Variants in CAMSAP2 observed in about 807,000 individuals in gnomAD.
The protein encoded by CAMSAP2 is calmodulin-regulated spectrin-associated protein 2.
In CAMSAP2, 26 loss-of-function variants were observed where a neutral mutation model predicts 146.1. The observed-to-expected ratio is 0.18, with a 90% CI of 0.13 to 0.25. CAMSAP2 has a LOEUF of 0.25. Ranked by LOEUF, CAMSAP2 falls within the 10% of genes least tolerant of loss-of-function variation. The pLI, the probability that CAMSAP2 is intolerant of heterozygous loss-of-function variation, is 1.00. For missense variants in CAMSAP2, 1,381 were observed against 1,759.3 expected (o/e 0.78, Z 3.85); for synonymous variants, 499 against 596.6 (o/e 0.84, Z 2.38).
In CAMSAP2 at chr1:200,853,188, T is replaced by C. The variant is rs1667667373; in HGVS notation, c.3603-87T>C. The C allele has an allele frequency of 8.6e-7, 1 of 1,166,384 alleles. No individual in the cohort carries two copies. Among genetic ancestry groups the C allele is most frequent in the Non-Finnish European group, 1.2e-6 (1 of 809,494 alleles). The allele number at this position is 1,166,384 out of a possible 1,614,324, so 72.3% of individuals were successfully genotyped here. ...TCACCAAGGTGATGAAATAGAATTC[T>C]CCTTTCTCATATCAAATACATAACT... On this transcript the variant is annotated intron_variant, in intron 12 of 16. Coordinates refer to ENST00000358823, the MANE Select transcript of CAMSAP2 (RefSeq NM_203459.4). This position sits in a 1 kb window ranked among gnomAD's most constrained non-coding sequence, Gnocchi z 5.1.
intron 1 of CAMSAP2, among the ~76,000 whole-genome samples, chr1:200,745,737 G>A (rs903626457): frequency 6.6e-6 from 1 of 152,222 alleles, no homozygotes; most frequent in Non-Finnish European, 1.5e-5. Flanking sequence ...CTCCCAAAGT[G>A]CTGGGATTAC....
At chr1:200,855,914 C>A (rs975895629) in intron 14 of CAMSAP2, 96 bp from the exon 15 acceptor site, 1 of 796,324 alleles carries the variant, frequency 1.3e-6, no homozygotes, top group Admixed American at 2.2e-5. Flanking sequence ...TATTTTTAGG[C>A]CTTTAGGTTG....
At chr1:200,747,946 C>T (rs1664384672) in intron 1 of CAMSAP2, among the ~76,000 whole-genome samples, 1 of 143,788 alleles carries the variant, frequency 7.0e-6, no homozygotes, top group African/African-American at 2.6e-5. Context: ...GAGATCCTGC[C>T]ACTGCACTCC....
rs773880184 is a variant in CAMSAP2, at chr1:200,850,132, A to G, written c.3363A>G (p.Lys1121=). The change falls in exon 11 of 17, where the codon AAA becomes AAG. Residue 1121 remains lysine, a synonymous_variant. Coordinates refer to ENST00000358823, the MANE Select transcript of CAMSAP2 (RefSeq NM_203459.4). ...NLIEVSLSDL[K]PPEKADVPVE... is the part of the protein sequence containing the mutation. ...TTGAAGTTTCCCTCTCAGATTTGAA[A>G]CCCCCTGAAAAGGCTGATGTACCTG... The G allele has an allele frequency of 2.5e-6, 4 of 1,613,782 alleles. No individual in the cohort carries two copies. The highest frequency in any genetic ancestry group is 3.4e-6 in the Non-Finnish European group (4 of 1,179,926).
chr1:200,751,144 C>T (rs1174137044), intron 1 of CAMSAP2, among the ~76,000 whole-genome samples: 1 of 151,834 alleles, frequency 6.6e-6, no homozygotes, highest in Non-Finnish European at 1.5e-5. Flanking sequence ...CTCAAGTGAT[C>T]TGCCTGCCTC....
Position 200,849,667 on chromosome 1 carries a change from A to G in CAMSAP2, c.2898A>G (p.Lys966=). ...CATCTCCACAGTCTTCTAACAGGAA[A>G]AGTGCATCTTTTTCTGTTAAAAGTC... is the stretch of plus-strand genomic sequence containing the variant. ...THPSPQSSNR[K]SASFSVKSQR... is the part of the protein sequence containing the mutation. The change falls in exon 11 of 17, where the codon AAA becomes AAG. Residue 966 remains lysine (K), a synonymous_variant. Coordinates refer to ENST00000358823, the MANE Select transcript of CAMSAP2 (RefSeq NM_203459.4). This position sits in a 1 kb window ranked among gnomAD's most constrained non-coding sequence, Gnocchi z 6.3. 1.2e-6 allele frequency: 2 copies of G among 1,614,194 alleles called. No homozygotes were observed. The highest frequency in any genetic ancestry group is 1.7e-6 in the Non-Finnish European group (2 of 1,180,030).
intron 2 of CAMSAP2, among the ~76,000 whole-genome samples, chr1:200,783,026 A>C (rs1258239734): frequency 2.0e-5 from 3 of 151,484 alleles, no homozygotes; most frequent in East Asian, 3.9e-4. Flanking sequence ...TCGGCCTCCC[A>C]AAGTACTGGA....
rs2102978742 is a variant in CAMSAP2 at position 200,739,285 on chromosome 1, C to G, written c.-543C>G. Reference sequence around the variant, plus strand: ...GCCAGCTCGCCCCGCGCTTCCCCCTCGTCCTGCTCGTCCCTCCGCCCACCC... The same window carrying G: ...GCCAGCTCGCCCCGCGCTTCCCCCTGGTCCTGCTCGTCCCTCCGCCCACCC... On this transcript the variant is annotated 5_prime_UTR_variant, in exon 1 of 17. Transcript: ENST00000358823. The surrounding 1 kb of genome is among the most constrained non-coding windows in gnomAD (Gnocchi z 4.8). Among the ~76,000 whole-genome samples the G allele has an allele frequency of 6.6e-6, 1 of 152,254 alleles. No individual in the cohort carries two copies. The highest frequency in any genetic ancestry group is 1.9e-4 in the East Asian group (1 of 5,146).
chr1:200,853,585 A>G lies in CAMSAP2; in HGVS notation c.3823+90A>G, dbSNP rs12060496. The G allele has an allele frequency of 1.0e-4, 96 of 964,642 alleles. No individual in the cohort carries two copies. In the African/African-American group the frequency reaches 1.5e-3, roughly 15 times the overall value. 59.8% of individuals were successfully genotyped at this position (964,642 alleles called of 1,614,324 possible). On this transcript the variant is annotated intron_variant, in intron 13 of 16. Coordinates refer to ENST00000358823, the MANE Select transcript of CAMSAP2 (RefSeq NM_203459.4). The surrounding 1 kb of genome is among the most constrained non-coding windows in gnomAD (Gnocchi z 5.1). ...AACTTGGTTGTACTTTGATGTGCAA[A>G]ATTGGATACACAGTTTGAGATTGTG...
chr1:200,746,674 A>C (rs1168653712), intron 1 of CAMSAP2, among the ~76,000 whole-genome samples: 11 of 149,856 alleles, frequency 7.3e-5, no homozygotes, highest in Admixed American at 6.6e-4. Flanking sequence ...GCTGGAGTGC[A>C]GTGGCGTGAT....
intron 4 of CAMSAP2, among the ~76,000 whole-genome samples, chr1:200,825,354 G>T (rs926682906): frequency 2.0e-5 from 3 of 152,006 alleles, no homozygotes; most frequent in African/African-American, 7.2e-5. Context: ...CCTTCTAAAT[G>T]GACCAAGCAC....
In CAMSAP2 at chr1:200,754,676, G is replaced by A. The variant is rs1040188117; in HGVS notation, c.140-6163G>A. Among the ~76,000 whole-genome samples, 6 of 138,556 alleles carry A rather than the reference G, an allele frequency of 4.3e-5. No individual in the cohort carries two copies. The South Asian group carries it at 1.5e-3, about 34-fold the overall frequency. 90.9% of individuals were successfully genotyped at this position (138,556 alleles called of 152,430 possible). ...CGGCTCAGTGCAAGCTCTGCCTCCCGGGTTCATGCCATTCTCCTGCCTCAG... is the reference window on the plus strand; with the variant it reads ...CGGCTCAGTGCAAGCTCTGCCTCCCAGGTTCATGCCATTCTCCTGCCTCAG... On this transcript the variant is annotated intron_variant, in intron 1 of 16. Transcript: ENST00000358823.
Position 200,844,657 on chromosome 1 carries a change from C to T in CAMSAP2, c.1022-125C>T, listed in dbSNP as rs1036999825. On this transcript the variant is annotated intron_variant, in intron 7 of 16. Coordinates refer to ENST00000358823, the MANE Select transcript of CAMSAP2 (RefSeq NM_203459.4). ...AATTATTTAAGAAGAAAACTTTATG[C>T]TATGATTTCTCAATACGTAGAAAGG... 12 of 479,176 alleles carry T rather than the reference C, an allele frequency of 2.5e-5. No homozygotes were observed. The South Asian group carries it at 4.0e-4, about 16-fold the overall frequency. The allele number at this position is 479,176 out of a possible 1,614,324, so 29.7% of individuals were successfully genotyped here. A position where few individuals can be genotyped will look rare whatever the true frequency, so the allele number is the denominator to read the frequency against.
Position 200,739,713 on chromosome 1 carries a change from T to C in CAMSAP2, c.-115T>C. ...TCCTCCGTCGGCGCCCGGGCGGACA[T>C]CGCCCGGGCCCCGATGGTTTGAGCT... On this transcript the variant is annotated 5_prime_UTR_variant, in exon 1 of 17. Transcript: ENST00000358823. This position sits in a 1 kb window ranked among gnomAD's most constrained non-coding sequence, Gnocchi z 4.8. The C allele has an allele frequency of 2.1e-6, 2 of 937,100 alleles. No individual in the cohort carries two copies. Among genetic ancestry groups the C allele is most frequent in the Non-Finnish European group, 2.8e-6 (2 of 711,254 alleles). The allele number at this position is 937,100 out of a possible 1,614,324, so 58.0% of individuals were successfully genotyped here.
intron 2 of CAMSAP2, among the ~76,000 whole-genome samples, chr1:200,768,908 T>C (rs994369429): frequency 6.6e-6 from 1 of 152,086 alleles, no homozygotes; most frequent in African/African-American, 2.4e-5. Context: ...CACCCTGGCC[T>C]CTCAAAGTGC....
At chr1:200,838,415 A>G (rs1402063181) in intron 6 of CAMSAP2, among the ~76,000 whole-genome samples, 1 of 152,192 alleles carries the variant, frequency 6.6e-6, no homozygotes, top group African/African-American at 2.4e-5. Flanking sequence ...AAATCACAAT[A>G]ATCTTACTAA....
Position 200,817,969 on chromosome 1 carries a change from C to T in CAMSAP2, c.645+2325C>T, listed in dbSNP as rs528492436. ...TCCTTGCCTCTTCCCTGTTACGTCC[C>T]ACAGTCTTTTCTTGTCAGCTTCCTT... On this transcript the variant is annotated intron_variant, in intron 4 of 16. Coordinates refer to ENST00000358823, the MANE Select transcript of CAMSAP2 (RefSeq NM_203459.4). Among the ~76,000 whole-genome samples, 22 of 152,318 alleles carry T rather than the reference C, an allele frequency of 1.4e-4. No homozygotes were observed. The East Asian group carries it at 4.2e-3, about 29-fold the overall frequency.
At position 200,789,316 on chromosome 1, in the gene CAMSAP2, A is replaced by C. The variant is rs192460616; in HGVS notation, c.400-18060A>C. On this transcript the variant is annotated intron_variant, in intron 2 of 16. Transcript: ENST00000358823. ...TCTAGAAGTTTTATAGTTTTGTTGT[A>C]CATTTAGGTCTGTGATTCATTTTGA... Among the ~76,000 whole-genome samples the C allele has an allele frequency of 2.3e-3, 350 of 151,888 alleles. 2 individuals are homozygous for C. The highest frequency in any genetic ancestry group is 5.5e-3 in the African/African-American group (226 of 41,454).
chr1:200,759,939 G>T (rs753919750), intron 1 of CAMSAP2, among the ~76,000 whole-genome samples: 1 of 152,292 alleles, frequency 6.6e-6, no homozygotes, highest in South Asian at 2.1e-4. Context: ...TGTTTCTCTC[G>T]TTTGTTTTGG....
Sources: gnomAD v4.1 joint callset for allele counts (sites outside exome capture counted in the v4.1 genomes callset) on GRCh38, gnomAD v4.1.1 for gene constraint, Gnocchi (gnomAD v3.1) non-coding constraint, MANE v1.5 for transcripts, NCBI Gene and HGNC (gene_info 2026-07-23, HGNC 2026-07-21) for gene names.